Variants in RBM5 observed in about 807,000 individuals in gnomAD.
The protein encoded by RBM5 is RNA-binding protein 5.
A neutral mutation model predicts 124.6 loss-of-function variants in RBM5; 15 were observed. That is an observed-to-expected ratio of 0.12 (90% confidence interval 0.08 to 0.19). The LOEUF (loss-of-function observed/expected upper bound fraction) is 0.19, where lower values mean the gene tolerates loss of function less well. Among genes scored for constraint, RBM5 ranks in the 10% least tolerant of loss-of-function variants. The pLI is 1.00. For missense variants in RBM5, 580 were observed against 1,026.5 expected, an observed-to-expected ratio of 0.57 and a Z score of 5.94; for synonymous variants, 337 against 361.2, an observed-to-expected ratio of 0.93 and a Z score of 0.76.
In RBM5 at chr3:50,117,590, G is replaced by A. The variant is rs2091278970; in HGVS notation, c.2322+211G>A. 1.8e-6 allele frequency: 1 copy of A among 541,816 alleles called. No individual in the cohort carries two copies. Among genetic ancestry groups the A allele is most frequent in the African/African-American group, 1.9e-5 (1 of 53,066 alleles). The allele number at this position is 541,816 out of a possible 1,614,324, so 33.6% of individuals were successfully genotyped here. On this transcript the variant is annotated intron_variant, in intron 24 of 24. Transcript: ENST00000347869. The surrounding 1 kb of genome is among the most constrained non-coding windows in gnomAD (Gnocchi z 4.2). ...GAGCCCAGAAGTTTGAGACCAGCCT[G>A]GGCAACACGGTGAAACCCCGTCTCT...
At chr3:50,109,988 G>A (rs1266657330) in intron 15 of RBM5, among the ~76,000 whole-genome samples, 1 of 152,172 alleles carries the variant, frequency 6.6e-6, no homozygotes, top group African/African-American at 2.4e-5. Flanking sequence ...CGAGGCGGGT[G>A]GATCACGAGG....
At chr3:50,112,905 T>A (rs1172667474) in intron 17 of RBM5, 1 of 152,640 alleles carries the variant, frequency 6.6e-6, no homozygotes, top group Non-Finnish European at 1.5e-5. Context: ...CAGACTGGAG[T>A]GCAGTGGCAT....
chr3:50,107,129 TG>T, intron 11 of RBM5: 1 of 672,930 alleles, frequency 1.5e-6, no homozygotes, highest in Non-Finnish European at 2.7e-6. Context: ...CTTTGCAAAC[TG>T]CAGCAGTATA....
chr3:50,110,892 C>G (rs2091131180), intron 17 of RBM5, 122 bp downstream of exon 17: 4 of 716,094 alleles, frequency 5.6e-6, no homozygotes, highest in African/African-American at 5.5e-5. Context: ...TTAACTTCTT[C>G]AAAGCCACCA....
At position 50,107,594 on chromosome 3, in the gene RBM5, A is replaced by C. The variant is rs772449456; in HGVS notation, c.1041+25A>C. On this transcript the variant is annotated intron_variant, in intron 12 of 24. Coordinates refer to ENST00000347869, the MANE Select transcript of RBM5 (RefSeq NM_005778.4). ...GGTAAGATCGAGGATCTTTTTGCTC[A>C]AGGTAGTGTGGTGGTGGTGCCCAGA... 8 of 1,546,498 alleles carry C rather than the reference A, an allele frequency of 5.2e-6. No homozygotes were observed. The Admixed American group carries it at 1.0e-4, about 20-fold the overall frequency.
chr3:50,106,253 G>C (rs1480402698), intron 10 of RBM5, among the ~76,000 whole-genome samples: 1 of 142,194 alleles, frequency 7.0e-6, no homozygotes, highest in East Asian at 2.3e-4. Context: ...CCATTCTCCC[G>C]CCTCAGCCTC....
At position 50,092,078 on chromosome 3, in the gene RBM5, C is replaced by G. The variant is rs777440244; in HGVS notation, c.53C>G (p.Ser18Cys). 4.3e-6 allele frequency: 7 copies of G among 1,613,966 alleles called. No homozygotes were observed. The highest frequency in any genetic ancestry group is 5.9e-6 in the Non-Finnish European group (7 of 1,179,974). The change falls in exon 3 of 25, where the codon TCC becomes TGC. Residue 18 changes from serine (S) to cysteine (C), a missense_variant. Physicochemically the swap from Ser to Cys is moderately radical, Grantham distance 112. Transcript: ENST00000347869. The stretch of plus-strand genomic sequence containing the variant: ...ACAGAGCGTAGTGGAAGATACGGTT[C>G]CATCATAGACAGGGATGACCGTGAT... ...SRTERSGRYGSIIDRDDRDER... is the reference protein window; with the variant it reads ...SRTERSGRYGCIIDRDDRDER...
intron 2 of RBM5, among the ~76,000 whole-genome samples, chr3:50,091,460 A>G (rs2624853): frequency 0.53 from 81,127 of 151,952 alleles, 22,350 homozygotes; most frequent in East Asian, 0.86. Context: ...CCAAAAATAA[A>G]CCAGATGTTA....
intron 16 of RBM5, 79 bp from the exon 17 acceptor site, chr3:50,110,600 T>A: frequency 3.4e-6 from 5 of 1,449,672 alleles, no homozygotes. Context: ...TTAGGCCTGC[T>A]GCATCTCACT....
At chr3:50,089,717 A>T (rs749762980) in intron 1 of RBM5, among the ~76,000 whole-genome samples, 3 of 151,838 alleles carry the variant, frequency 2.0e-5, no homozygotes, top group Non-Finnish European at 4.4e-5. Context: ...CCTCGCGCTC[A>T]TCGAACGCGG....
chr3:50,118,354 T>A lies in RBM5; in HGVS notation c.2346T>A (p.Ala782=). ...PIEAQVRLKG[A]GLGAKGSAYG... ...AGGCTCAAGTTCGGCTAAAGGGAGC[T>A]GGCCTAGGAGCCAAAGGCAGCGCAT... is the stretch of plus-strand genomic sequence containing the variant. The change falls in exon 25 of 25, where the codon GCT becomes GCA. Residue 782 remains alanine, a synonymous_variant. Transcript: ENST00000347869. 6.2e-7 allele frequency: 1 copy of A among 1,614,122 alleles called. No homozygotes were observed. The highest frequency in any genetic ancestry group is 1.3e-5 in the African/African-American group (1 of 75,000).
intron 24 of RBM5, 177 bp from the exon 25 acceptor site, chr3:50,118,149 CATTTT>C (rs1392557062): frequency 2.6e-6 from 2 of 783,640 alleles, no homozygotes; most frequent in Non-Finnish European, 3.9e-6. Context: ...TTCCGTAGCC[CATTTT>C]ATTCCTCCAG....
Position 50,114,251 on chromosome 3 carries a change from A to G in RBM5, c.1839A>G (p.Lys613=). 1 of 1,603,768 alleles carries G rather than the reference A, an allele frequency of 6.2e-7. No homozygotes were observed. The highest frequency in any genetic ancestry group is 8.5e-7 in the Non-Finnish European group (1 of 1,177,530). The change falls in exon 20 of 25, where the codon AAA becomes AAG. Residue 613 remains lysine, a splice_region_variant and synonymous_variant. Coordinates refer to ENST00000347869, the MANE Select transcript of RBM5 (RefSeq NM_005778.4). ...VRNGDEENPL[K]RGLVAAYSGD... ...ATGGAGATGAGGAGAATCCCCTCAA[A>G]GTAAGGGAGTACCACCAGTGTTTTA...
At chr3:50,090,724 C>G (rs2090687923) in intron 2 of RBM5, among the ~76,000 whole-genome samples, 1 of 152,104 alleles carries the variant, frequency 6.6e-6, no homozygotes, top group South Asian at 2.1e-4. Flanking sequence ...AGAAAATATT[C>G]TCTGGAAGGA....
At chr3:50,096,174 A>G (rs965770946) in intron 4 of RBM5, among the ~76,000 whole-genome samples, 1 of 152,116 alleles carries the variant, frequency 6.6e-6, no homozygotes, top group Non-Finnish European at 1.5e-5. Context: ...GTCAGCAGAT[A>G]ATGGTGACAA....
At chr3:50,090,232 G>T in intron 1 of RBM5, 150 bp from the exon 2 acceptor site, 1 of 540,538 alleles carries the variant, frequency 1.9e-6, no homozygotes. Flanking sequence ...AACGTTGACA[G>T]TTTGTCCCCA....
In RBM5 at chr3:50,115,598, C is replaced by T; in HGVS notation, c.2010C>T (p.Asp670=). 1.2e-6 allele frequency: 2 copies of T among 1,608,910 alleles called. No homozygotes were observed. Among genetic ancestry groups the T allele is most frequent in the Non-Finnish European group, 1.7e-6 (2 of 1,178,392 alleles). The change falls in exon 21 of 25, where the codon GAC becomes GAT. Residue 670 remains aspartate, a synonymous_variant. Coordinates refer to ENST00000347869, the MANE Select transcript of RBM5 (RefSeq NM_005778.4). The part of the protein sequence containing the change: ...DALVRHQQLS[D]LHKQNMDIYR... ...TAGTCAGGCACCAGCAACTCTCAGA[C>T]CTTCACAAGGTGGCCATGCTTCTGA...
At chr3:50,110,139 A>G (rs1379298909) in intron 15 of RBM5, among the ~76,000 whole-genome samples, 2 of 152,256 alleles carry the variant, frequency 1.3e-5, no homozygotes, top group African/African-American at 2.4e-5. Context: ...TGAACCCCGG[A>G]GACGGAGGTT....
At chr3:50,103,962 A>G (rs764137169) in intron 7 of RBM5, among the ~76,000 whole-genome samples, 1 of 152,208 alleles carries the variant, frequency 6.6e-6, no homozygotes, top group Non-Finnish European at 1.5e-5. Context: ...GATACAAGGA[A>G]GAGCTTCACC....
Sources: gnomAD v4.1 joint callset for allele counts (sites outside exome capture counted in the v4.1 genomes callset) on GRCh38, gnomAD v4.1.1 for gene constraint, Gnocchi (gnomAD v3.1) non-coding constraint, MANE v1.5 for transcripts, NCBI Gene and HGNC (gene_info 2026-07-23, HGNC 2026-07-21) for gene names.